FHL2: variants seen among roughly 807,000 people sequenced by gnomAD.
The protein encoded by FHL2 is four and a half LIM domains 2, also known as four and a half LIM domains protein 2.
FHL2 carries 20 observed loss-of-function variants against 32.7 expected under a neutral mutation model. That is an observed-to-expected ratio of 0.61 (90% CI 0.43 to 0.89). FHL2 has a LOEUF of 0.89. Among genes scored for constraint, FHL2 ranks in the 40% least tolerant of loss-of-function variants. The pLI is 0.00. For missense variants in FHL2, 311 were observed against 358.6 expected, an observed-to-expected ratio of 0.87 and a Z score of 1.07; for synonymous variants, 123 against 128.1, an observed-to-expected ratio of 0.96 and a Z score of 0.27.
chr2:105,436,343 T>C (rs1207985369), intron 1 of FHL2, among the ~76,000 whole-genome samples: 3 of 152,198 alleles, frequency 2.0e-5, no homozygotes, highest in Non-Finnish European at 4.4e-5. Context: ...TGATGTTATA[T>C]TGCTATATTC....
intron 1 of FHL2, among the ~76,000 whole-genome samples, chr2:105,406,601 T>C (rs568712623): frequency 1.3e-5 from 2 of 152,210 alleles, no homozygotes; most frequent in Non-Finnish European, 2.9e-5. Flanking sequence ...GGAGGGTCTG[T>C]CTGTATTGCT....
intron 3 of FHL2, among the ~76,000 whole-genome samples, chr2:105,384,856 G>A (rs527338253): frequency 1.3e-5 from 2 of 152,316 alleles, no homozygotes; most frequent in South Asian, 2.1e-4. Context: ...GAAGGGTCAA[G>A]TAACTGACCC....
chr2:105,373,366 C>G (rs1038621723), intron 4 of FHL2, among the ~76,000 whole-genome samples, 193 bp downstream of exon 4: 1 of 152,170 alleles, frequency 6.6e-6, no homozygotes, highest in African/African-American at 2.4e-5. Context: ...CAAAAAGATC[C>G]CGTTACTGCC....
intron 1 of FHL2, among the ~76,000 whole-genome samples, chr2:105,427,902 T>A (rs560935010): frequency 6.6e-6 from 1 of 152,284 alleles, no homozygotes; most frequent in African/African-American, 2.4e-5. Context: ...GTTTGGACCA[T>A]AAATTCAATA....
upstream of FHL2, among the ~76,000 whole-genome samples, chr2:105,400,787 A>G (rs934620069): frequency 1.3e-4 from 19 of 148,406 alleles, no homozygotes; most frequent in African/African-American, 4.7e-4. Context: ...TCTTCTAATA[A>G]CTGCTTTAGC....
chr2:105,411,670 T>C (rs1015979239), intron 1 of FHL2, among the ~76,000 whole-genome samples: 3 of 151,202 alleles, frequency 2.0e-5, no homozygotes, highest in African/African-American at 7.3e-5. Flanking sequence ...TGAAACCCTG[T>C]CTCTACTCAA....
At chr2:105,368,952 C>T (rs530235673) in intron 4 of FHL2, among the ~76,000 whole-genome samples, 24 of 152,334 alleles carry the variant, frequency 1.6e-4, no homozygotes, top group Admixed American at 9.1e-4. Flanking sequence ...AACACAGCCA[C>T]GCCCATTAAT....
Position 105,386,180 on chromosome 2 carries a change from G to A in FHL2, c.156+181C>T, listed in dbSNP as rs1016643221. Reference sequence around the variant, plus strand: ...GCAAGGCCCTCACCCAGTGCTTGTGGGCAGAGATCACATTCGCTAGAGGGA... The same window carrying A: ...GCAAGGCCCTCACCCAGTGCTTGTGAGCAGAGATCACATTCGCTAGAGGGA... On this transcript the variant is annotated intron_variant, in intron 3 of 6. Transcript: ENST00000530340. 2.0e-5 allele frequency: 12 copies of A among 592,864 alleles called. No individual in the cohort carries two copies. In the African/African-American group the frequency reaches 2.2e-4, roughly 11 times the overall value. The allele number at this position is 592,864 out of a possible 1,614,324, so 36.7% of individuals were successfully genotyped here. A position where few individuals can be genotyped will look rare whatever the true frequency, so the allele number is the denominator to read the frequency against.
intron 1 of FHL2, among the ~76,000 whole-genome samples, chr2:105,437,903 A>G (rs2104692243): frequency 6.6e-6 from 1 of 152,332 alleles, no homozygotes; most frequent in South Asian, 2.1e-4. Context: ...ACACTTTCCC[A>G]GAGTAATCAG....
intron 1 of FHL2, among the ~76,000 whole-genome samples, chr2:105,429,419 C>G (rs1377241287): frequency 6.6e-6 from 1 of 152,116 alleles, no homozygotes; most frequent in Non-Finnish European, 1.5e-5. Context: ...AATGTAATCA[C>G]CAGTGTCCTT....
chr2:105,405,797 G>A (rs1457749722), intron 1 of FHL2, among the ~76,000 whole-genome samples: 1 of 152,244 alleles, frequency 6.6e-6, no homozygotes, highest in Non-Finnish European at 1.5e-5. Context: ...TGAACCCCAG[G>A]TCCAGGAGCT....
chr2:105,388,458 CA>C (rs1476457509), intron 2 of FHL2, among the ~76,000 whole-genome samples: 1 of 152,086 alleles, frequency 6.6e-6, no homozygotes, highest in Non-Finnish European at 1.5e-5. Flanking sequence ...ATTAAAAACA[CA>C]GACAATTTTC....
intron 1 of FHL2, among the ~76,000 whole-genome samples, chr2:105,411,928 C>T (rs1263249631): frequency 1.3e-5 from 2 of 152,076 alleles, no homozygotes; most frequent in Non-Finnish European, 2.9e-5. Flanking sequence ...GTGACTCATC[C>T]TCACAATGCC....
At chr2:105,366,479 C>T (rs1255175004) in intron 5 of FHL2, among the ~76,000 whole-genome samples, 1 of 152,122 alleles carries the variant, frequency 6.6e-6, no homozygotes, top group Non-Finnish European at 1.5e-5. Flanking sequence ...CTGCCCAGGG[C>T]GAGTGAGCAG....
At chr2:105,389,664 T>C (rs1462661853) in intron 2 of FHL2, among the ~76,000 whole-genome samples, 2 of 152,190 alleles carry the variant, frequency 1.3e-5, no homozygotes, top group African/African-American at 4.8e-5. Flanking sequence ...CTGAGCTTTC[T>C]CAAATAGCCG....
chr2:105,383,486 A>G (rs1004213272), intron 3 of FHL2, among the ~76,000 whole-genome samples: 2 of 152,242 alleles, frequency 1.3e-5, no homozygotes, highest in Admixed American at 6.5e-5. Flanking sequence ...TTCAAACTAT[A>G]TAACAGGCTC....
At chr2:105,363,666 T>C (rs945828540) in intron 5 of FHL2, among the ~76,000 whole-genome samples, 195 bp from the exon 6 acceptor site, 2 of 152,228 alleles carry the variant, frequency 1.3e-5, no homozygotes, top group African/African-American at 4.8e-5. Context: ...TCATAGGCCC[T>C]GGCTTTCCCG....
intron 4 of FHL2, among the ~76,000 whole-genome samples, chr2:105,372,348 C>A (rs1278160718): frequency 1.3e-5 from 2 of 151,976 alleles, no homozygotes; most frequent in East Asian, 3.9e-4. Context: ...GCCTCAGCCT[C>A]CCGAGTAGCT....
intron 3 of FHL2, among the ~76,000 whole-genome samples, chr2:105,385,047 T>G (rs1347036605): frequency 6.6e-6 from 1 of 152,188 alleles, no homozygotes; most frequent in Non-Finnish European, 1.5e-5. Flanking sequence ...AGTAGCCAGA[T>G]CAGCTATTTT....
Sources: gnomAD v4.1 joint callset for allele counts (sites outside exome capture counted in the v4.1 genomes callset) on GRCh38, gnomAD v4.1.1 for gene constraint, MANE v1.5 for transcripts, NCBI Gene and HGNC (gene_info 2026-07-23, HGNC 2026-07-21) for gene names.